The following HMCN1 variants were observed in gnomAD, a reference collection of about 807,000 sequenced individuals.
HMCN1 encodes the protein hemicentin-1.
Under a neutral mutation model 625.9 loss-of-function variants are expected in HMCN1, and 321 were observed. The ratio of observed to expected loss-of-function variants is 0.51; its 90% CI spans 0.47 to 0.56. The LOEUF (loss-of-function observed/expected upper bound fraction) is 0.56, where lower values mean the gene tolerates loss of function less well. HMCN1 is among the 20% of genes least tolerant of loss of function. The pLI, the probability that HMCN1 is intolerant of heterozygous loss-of-function variation, is 0.00. For missense variants in HMCN1, 6,588 were observed against 6,887.3 expected, an observed-to-expected ratio of 0.96 and a Z score of 1.54; for synonymous variants, 2,425 against 2,417.6, an observed-to-expected ratio of 1.00 and a Z score of -0.09.
intron 100 of HMCN1, among the ~76,000 whole-genome samples, chr1:186,168,680 A>G (rs1652037976): frequency 6.6e-6 from 1 of 152,158 alleles, no homozygotes; most frequent in Admixed American, 6.5e-5. Context: ...AGATGAGTAT[A>G]GACCTGAGAG....
At chr1:185,928,710 C>T in intron 10 of HMCN1, 43 bp downstream of exon 10, 1 of 1,600,070 alleles carries the variant, frequency 6.2e-7, no homozygotes, top group Non-Finnish European at 8.6e-7. Context: ...AGTATTAATG[C>T]AGCTATGGAA....
At chr1:185,847,131 A>AG (rs1369366602) in intron 2 of HMCN1, among the ~76,000 whole-genome samples, 2 of 138,114 alleles carry the variant, frequency 1.4e-5, no homozygotes, top group East Asian at 2.0e-4. Flanking sequence ...TCTAGCTTAG[A>AG]GTTTTTTTTT....
intron 1 of HMCN1, among the ~76,000 whole-genome samples, chr1:185,821,043 ATATATATATATC>A (rs1204194280): frequency 6.6e-6 from 1 of 151,160 alleles, no homozygotes; most frequent in Non-Finnish European, 1.5e-5. Context: ...TGTACATGTA[ATATATATATATC>A]TATATATATG....
intron 97 of HMCN1, 45 bp from the exon 98 acceptor site, chr1:186,165,066 A>G (rs1216934375): frequency 1.3e-6 from 2 of 1,541,872 alleles, no homozygotes; most frequent in Middle Eastern, 1.7e-4. Flanking sequence ...GCCAGGGGCA[A>G]CTATTCCAAT....
At chr1:185,819,274 A>G (rs1458403201) in intron 1 of HMCN1, among the ~76,000 whole-genome samples, 2 of 150,630 alleles carry the variant, frequency 1.3e-5, no homozygotes, top group African/African-American at 4.9e-5. Flanking sequence ...AGCTTGATGT[A>G]TTTGGTTTTC....
intron 97 of HMCN1, among the ~76,000 whole-genome samples, chr1:186,156,295 CAT>C (rs1651014649): frequency 1.3e-5 from 2 of 152,068 alleles, no homozygotes; most frequent in Admixed American, 6.6e-5. Flanking sequence ...ATTTGCATCA[CAT>C]GTTATTGACA....
Position 186,015,370 on chromosome 1 carries a change from A to G in HMCN1, c.4842A>G (p.Ala1614=). 6.2e-7 allele frequency: 1 copy of G among 1,613,756 alleles called. No homozygotes were observed. Among genetic ancestry groups the G allele is most frequent in the Non-Finnish European group, 8.5e-7 (1 of 1,179,748 alleles). Residue 1614 remains alanine, a synonymous_variant, in exon 31 of 107, where the codon GCA becomes GCG. Coordinates refer to ENST00000271588, the MANE Select transcript of HMCN1 (RefSeq NM_031935.3). ...HIPRAQVSDS[A]TYTCHVANVA... ...CTCGAGCACAGGTCTCTGATTCAGC[A>G]ACATATACGTGTCATGTAGCCAATG...
chr1:185,858,511 T>G lies in HMCN1; in HGVS notation c.340-5959T>G, dbSNP rs1662618847. ...GGCATAATCATGGTTCACTGCAGTC[T>G]CCACTTACCCAGAGCCTTCTGAGTA... On this transcript the variant is annotated intron_variant, in intron 2 of 106. Coordinates refer to ENST00000271588, the MANE Select transcript of HMCN1 (RefSeq NM_031935.3). Among the ~76,000 whole-genome samples the G allele has an allele frequency of 3.5e-5, 5 of 144,666 alleles. No individual in the cohort carries two copies. In the Admixed American group the frequency reaches 3.5e-4, roughly 10 times the overall value. 94.9% of individuals were successfully genotyped at this position (144,666 alleles called of 152,430 possible).
At chr1:185,825,492 G>A (rs1435191811) in intron 1 of HMCN1, among the ~76,000 whole-genome samples, 2 of 152,154 alleles carry the variant, frequency 1.3e-5, no homozygotes, top group Non-Finnish European at 2.9e-5. Context: ...TGTGTCTGGA[G>A]TTTTCATAAA....
chr1:185,768,814 A>T (rs976966123), intron 1 of HMCN1, among the ~76,000 whole-genome samples: 1 of 152,170 alleles, frequency 6.6e-6, no homozygotes, highest in Non-Finnish European at 1.5e-5. Context: ...ATAATAATAA[A>T]AGAATGGGCC....
At chr1:185,867,796 C>T (rs148504873) in intron 4 of HMCN1, among the ~76,000 whole-genome samples, 79 of 152,224 alleles carry the variant, frequency 5.2e-4, no homozygotes, top group African/African-American at 1.7e-3. Flanking sequence ...ACAGGCTGAG[C>T]GCAGTGGCTC....
At chr1:186,128,964 T>TC (rs1661785851) in intron 83 of HMCN1, among the ~76,000 whole-genome samples, 3 of 151,778 alleles carry the variant, frequency 2.0e-5, no homozygotes, top group Non-Finnish European at 4.4e-5. Flanking sequence ...TGAGAGTTTT[T>TC]TTCTATTATA....
intron 93 of HMCN1, among the ~76,000 whole-genome samples, chr1:186,147,858 T>C (rs975647734): frequency 2.0e-4 from 31 of 152,244 alleles, no homozygotes; most frequent in African/African-American, 7.0e-4. Context: ...CTTGCCTTGA[T>C]GTTGATGGCT....
chr1:186,114,855 A>G lies in HMCN1; in HGVS notation c.11313A>G (p.Gln3771=), dbSNP rs756579267. 70 of 1,614,038 alleles carry G rather than the reference A, an allele frequency of 4.3e-5. No homozygotes were observed. The highest frequency in any genetic ancestry group is 2.3e-4 in the African/African-American group (17 of 74,938). ...TGGAAAATGGATTCCTTCATATTCA[A>G]TCAGCACATGTCACTGACACTGGAC... The part of the protein sequence containing the change: ...SILENGFLHI[Q]SAHVTDTGRY... Residue 3771 remains glutamine (Q), a synonymous_variant, in exon 74 of 107, where the codon CAA becomes CAG. Transcript: ENST00000271588.
chr1:185,830,307 C>T (rs1225712071), intron 1 of HMCN1, among the ~76,000 whole-genome samples: 1 of 152,084 alleles, frequency 6.6e-6, no homozygotes, highest in Non-Finnish European at 1.5e-5. Flanking sequence ...GCGTTTTTGT[C>T]ATGAAGGCTT....
chr1:186,126,004 C>T (rs984714695), intron 82 of HMCN1, among the ~76,000 whole-genome samples: 12 of 151,886 alleles, frequency 7.9e-5, no homozygotes, highest in African/African-American at 2.9e-4. Flanking sequence ...TGCCCTCCTT[C>T]GAAAATTATT....
At chr1:186,164,874 A>G (rs892092567) in intron 97 of HMCN1, among the ~76,000 whole-genome samples, 2 of 152,324 alleles carry the variant, frequency 1.3e-5, no homozygotes. Context: ...GATGTAAATA[A>G]CTTACACACG....
At position 186,076,456 on chromosome 1, in the gene HMCN1, A is replaced by C; in HGVS notation, c.8319A>C (p.Glu2773Asp). The C allele has an allele frequency of 6.2e-7, 1 of 1,613,642 alleles. No individual in the cohort carries two copies. Among genetic ancestry groups the C allele is most frequent in the Non-Finnish European group, 8.5e-7 (1 of 1,179,752 alleles). The change falls in exon 54 of 107, where the codon GAA (glutamate) becomes GAC (aspartate). Residue 2773 changes from glutamate (E) to aspartate (D), a missense_variant. This residue lies in a region of HMCN1 where 4,628 missense variants were observed against 4,853.1 expected (regional missense o/e 0.95). Coordinates refer to ENST00000271588, the MANE Select transcript of HMCN1 (RefSeq NM_031935.3). ...QVPPSFQKLW[E>D]IGNMLDTGRN... ...CTCCAAGTTTTCAGAAACTCTGGGA[A>C]ATAGGAAACATGCTAGATACTGGCA...
intron 97 of HMCN1, among the ~76,000 whole-genome samples, chr1:186,154,988 T>C (rs1393086293): frequency 1.3e-5 from 2 of 152,192 alleles, no homozygotes; most frequent in Non-Finnish European, 2.9e-5. Flanking sequence ...TATGTGACTT[T>C]AGCTTTGAAC....
Sources: allele counts gnomAD v4.1 joint callset (sites outside exome capture counted in the v4.1 genomes callset), GRCh38; gene constraint gnomAD v4.1.1; regional missense constraint gnomAD v4.1.1; transcripts MANE v1.5; gene names NCBI Gene and HGNC (gene_info 2026-07-23, HGNC 2026-07-21).